Variants in SP3 observed in about 807,000 individuals in gnomAD.
The protein encoded by SP3 is Sp3 transcription factor, also known as transcription factor Sp3.
SP3 carries 10 observed loss-of-function variants against 70.3 expected under a neutral mutation model. The ratio of observed to expected loss-of-function variants is 0.14; its 90% CI spans 0.09 to 0.24. SP3 has a LOEUF of 0.24. Among genes scored for constraint, SP3 ranks in the 10% least tolerant of loss-of-function variants. The pLI, the probability that SP3 is intolerant of heterozygous loss-of-function variation, is 1.00. For synonymous variants in SP3, 402 were observed against 333.5 expected (o/e 1.21, Z -2.24); for missense variants, 825 against 914.6 (o/e 0.90, Z 1.26).
intron 4 of SP3, among the ~76,000 whole-genome samples, chr2:173,933,662 A>ATATATATATATC (rs1241514761): frequency 7.0e-6 from 1 of 143,090 alleles, no homozygotes; most frequent in Non-Finnish European, 1.5e-5. Flanking sequence ...ATATATATAT[A>ATATATATATATC]TATATATATA....
At chr2:173,932,067 G>A (rs1002898384) in intron 4 of SP3, among the ~76,000 whole-genome samples, 3 of 152,208 alleles carry the variant, frequency 2.0e-5, no homozygotes, top group Non-Finnish European at 2.9e-5. Flanking sequence ...GTCTATCTGG[G>A]CTTTCAATAT....
chr2:173,957,424 G>A (rs1236635725), intron 3 of SP3, among the ~76,000 whole-genome samples: 2 of 152,106 alleles, frequency 1.3e-5, no homozygotes, highest in African/African-American at 2.4e-5. Flanking sequence ...CAGAGATAAA[G>A]TAGTATTAGA....
intron 3 of SP3, among the ~76,000 whole-genome samples, chr2:173,961,172 C>A (rs1691061284): frequency 6.6e-6 from 1 of 152,140 alleles, no homozygotes; most frequent in South Asian, 2.1e-4. Flanking sequence ...TGCTATAAAA[C>A]CATCTTTCAG....
At chr2:173,921,560 AACAG>A (rs1689755485) in intron 4 of SP3, among the ~76,000 whole-genome samples, 1 of 134,578 alleles carries the variant, frequency 7.4e-6, no homozygotes, top group East Asian at 2.1e-4. Context: ...CAAACAAACA[AACAG>A]GCCAGGCAGG....
Position 173,955,331 on chromosome 2 carries a change from A to C in SP3, c.1181T>G (p.Val394Gly). 6.2e-7 allele frequency: 1 copy of C among 1,614,064 alleles called. No individual in the cohort carries two copies. Among genetic ancestry groups the C allele is most frequent in the African/African-American group, 1.3e-5 (1 of 75,028 alleles). ...QNIQVSTAQPVVQHLQLQESQ... is the reference protein window; with the variant it reads ...QNIQVSTAQPGVQHLQLQESQ... ...CTCTTGAAGTTGTAGATGCTGTACA[A>C]CAGGCTGTGCTGTAGAAACCTGAAT... The change falls in exon 4 of 7, where the codon GTT becomes GGT. Residue 394 changes from valine to glycine, a missense_variant. Physicochemically the swap from Val to Gly is moderately radical, Grantham distance 109. Transcript: ENST00000310015.
rs1209460551 is a variant in SP3, at chr2:173,909,972, ACAAGCTGTAAAGGTATTT to A, written c.2297_2314del (p.Glu766_Leu771del). The A allele has an allele frequency of 6.2e-7, 1 of 1,613,784 alleles. No homozygotes were observed. Among genetic ancestry groups the A allele is most frequent in the African/African-American group, 1.3e-5 (1 of 74,932 alleles). On this transcript the variant is annotated inframe_deletion, in exon 7 of 7. Coordinates refer to ENST00000310015, the MANE Select transcript of SP3 (RefSeq NM_003111.5). ...CATTGTCTCATTTCCAGAAACTGTG[ACAAGCTGTAAAGGTATTT>A]CAGTGTTGGTAAGGATATCTTGATT...
chr2:173,959,477 G>A (rs1444321375), intron 3 of SP3, among the ~76,000 whole-genome samples: 1 of 152,184 alleles, frequency 6.6e-6, no homozygotes, highest in Middle Eastern at 3.2e-3. Context: ...TGTAATCCTA[G>A]CACTGTGGGA....
chr2:173,938,960 G>C (rs551417790), intron 4 of SP3, among the ~76,000 whole-genome samples: 54 of 152,192 alleles, frequency 3.5e-4, no homozygotes, highest in African/African-American at 1.3e-3. Flanking sequence ...CAACTGCCTG[G>C]GGTACAGAGT....
chr2:173,942,649 A>C (rs565895907), intron 4 of SP3, among the ~76,000 whole-genome samples: 48 of 152,276 alleles, frequency 3.2e-4, no homozygotes, highest in South Asian at 2.5e-3. Flanking sequence ...CTAGATTCTG[A>C]TATTCCACTG....
At chr2:173,933,306 G>C (rs1690118487) in intron 4 of SP3, among the ~76,000 whole-genome samples, 1 of 151,958 alleles carries the variant, frequency 6.6e-6, no homozygotes, top group South Asian at 2.1e-4. Context: ...TACACTTACA[G>C]CACATCTCAA....
intron 3 of SP3, chr2:173,963,382 C>CTA (rs1416676700): frequency 6.6e-6 from 1 of 152,236 alleles, no homozygotes; most frequent in Non-Finnish European, 1.5e-5. Flanking sequence ...ATAATAAAAA[C>CTA]TAAAGACATT....
intron 4 of SP3, among the ~76,000 whole-genome samples, chr2:173,954,615 CAAATAT>C (rs1690819445): frequency 6.6e-6 from 1 of 152,008 alleles, no homozygotes; most frequent in African/African-American, 2.4e-5. Context: ...GATGTCAAAA[CAAATAT>C]AAAATTAAGA....
rs193235501 is a variant in SP3, at chr2:173,954,730, A to G, written c.1639+143T>C. 238 of 754,886 alleles carry G rather than the reference A, an allele frequency of 3.2e-4. No individual in the cohort carries two copies. The African/African-American group carries it at 3.7e-3, about 12-fold the overall frequency. The allele number at this position is 754,886 out of a possible 1,614,324, so 46.8% of individuals were successfully genotyped here. A position where few individuals can be genotyped will look rare whatever the true frequency, so the allele number is the denominator to read the frequency against. On this transcript the variant is annotated intron_variant, in intron 4 of 6. Transcript: ENST00000310015. ...TAATTTGGAAGATACTTTGATGTCT[A>G]CTTTCATACAAACATATTTTCATAC...
rs1690833898 is a variant in SP3 at position 173,955,027 on chromosome 2, G to T, written c.1485C>A (p.Leu495=). The T allele has an allele frequency of 6.2e-7, 1 of 1,614,092 alleles. No homozygotes were observed. Among genetic ancestry groups the T allele is most frequent in the Non-Finnish European group, 8.5e-7 (1 of 1,180,052 alleles). ...CACCTGCCGCAACTTGACCAAGTGT[G>T]AGGGTTTGAACAGGCGTCAAAGTTA... ...QQITLTPVQT[L]TLGQVAAGGA... is the part of the protein sequence containing the mutation. Residue 495 remains leucine, a synonymous_variant, in exon 4 of 7, where the codon CTC becomes CTA. Transcript: ENST00000310015.
chr2:173,945,628 A>G (rs984001384), intron 4 of SP3, among the ~76,000 whole-genome samples: 10 of 152,242 alleles, frequency 6.6e-5, no homozygotes, highest in African/African-American at 2.4e-4. Context: ...ACATATGTTC[A>G]ACTTCCTTAA....
chr2:173,928,530 G>A (rs1485950518), intron 4 of SP3, among the ~76,000 whole-genome samples: 2 of 150,734 alleles, frequency 1.3e-5, no homozygotes, highest in Non-Finnish European at 3.0e-5. Context: ...AGAACTGCCT[G>A]TAAATAAAAT....
chr2:173,933,343 TA>T (rs1480177770), intron 4 of SP3, among the ~76,000 whole-genome samples: 1 of 152,076 alleles, frequency 6.6e-6, no homozygotes, highest in African/African-American at 2.4e-5. Flanking sequence ...TTCGAGTGCT[TA>T]ATAGCATCAC....
intron 4 of SP3, among the ~76,000 whole-genome samples, chr2:173,922,681 C>A (rs1430324457): frequency 6.6e-6 from 1 of 151,944 alleles, no homozygotes; most frequent in African/African-American, 2.4e-5. Context: ...GAAATCATTT[C>A]GGGAAGAACT....
At chr2:173,965,126 G>A (rs1691252685) in intron 1 of SP3, 39 bp downstream of exon 1, 2 of 1,547,468 alleles carry the variant, frequency 1.3e-6, no homozygotes, top group Non-Finnish European at 1.7e-6. Context: ...CAGCGGCGGC[G>A]GCGGCAGCAG....
Sources: gnomAD v4.1 joint callset for allele counts (sites outside exome capture counted in the v4.1 genomes callset) on GRCh38, gnomAD v4.1.1 for gene constraint, MANE v1.5 for transcripts, NCBI Gene and HGNC (gene_info 2026-07-23, HGNC 2026-07-21) for gene names.